KIAA0753: variants seen among roughly 807,000 people sequenced by gnomAD.
The protein encoded by KIAA0753 is KIAA0753, also known as protein moonraker.
A neutral mutation model predicts 116.9 loss-of-function variants in KIAA0753; 114 were observed. The observed-to-expected ratio is 0.98, with a 90% CI of 0.84 to 1.14. The LOEUF (loss-of-function observed/expected upper bound fraction) is 1.14. Ranked by LOEUF, KIAA0753 falls within the 50% of genes most tolerant of loss-of-function variation. The pLI, the probability that KIAA0753 is intolerant of heterozygous loss-of-function variation, is 0.00. For missense variants in KIAA0753, 1,156 were observed against 1,172.4 expected (o/e 0.99, Z 0.20); for synonymous variants, 405 against 413.1 (o/e 0.98, Z 0.24).
At chr17:6,591,047 GAAGAAGAAGAAGAA>G (rs1333859375) in intron 16 of KIAA0753, among the ~76,000 whole-genome samples, 1,372 of 99,108 alleles carry the variant, frequency 0.014, 17 homozygotes, top group Non-Finnish European at 0.019. Context: ...GAAGGAAGAA[GAAGAAGAAGAAGAA>G]GAAGAAGAAG....
intron 9 of KIAA0753, 121 bp from the exon 10 acceptor site, chr17:6,608,585 G>A (rs991414873): frequency 1.3e-5 from 6 of 478,614 alleles, no homozygotes; most frequent in Non-Finnish European, 2.2e-5. Context: ...GTAGCACGGG[G>A]CCCTACAGTA....
intron 16 of KIAA0753, among the ~76,000 whole-genome samples, chr17:6,591,380 A>G (rs1195363910): frequency 6.6e-6 from 1 of 152,248 alleles, no homozygotes; most frequent in Non-Finnish European, 1.5e-5. Flanking sequence ...GAAGTACGAT[A>G]TAAGTCAGCT....
At chr17:6,606,839 C>T (rs777779100) in intron 12 of KIAA0753, 34 bp downstream of exon 12, 6 of 1,561,254 alleles carry the variant, frequency 3.8e-6, no homozygotes, top group Non-Finnish European at 5.3e-6. Flanking sequence ...AACAGGCAAA[C>T]ATCCACTATT....
chr17:6,635,229 T>A, intron 1 of KIAA0753, 58 bp from the exon 2 acceptor site: 1 of 678,866 alleles, frequency 1.5e-6, no homozygotes, highest in Non-Finnish European at 2.7e-6. Context: ...AAAGAACAGA[T>A]AAAACACAGT....
chr17:6,624,248 A>C (rs1379155275), intron 4 of KIAA0753, among the ~76,000 whole-genome samples: 1 of 152,206 alleles, frequency 6.6e-6, no homozygotes, highest in Non-Finnish European at 1.5e-5. Flanking sequence ...CCTCAAAGAC[A>C]CTTAACATGG....
intron 2 of KIAA0753, 123 bp from the exon 3 acceptor site, chr17:6,628,864 CT>C (rs1971851478): frequency 2.2e-6 from 2 of 900,924 alleles, no homozygotes; most frequent in Non-Finnish European, 3.3e-6. Context: ...AGGCATTTTT[CT>C]GTTTTACTGA....
chr17:6,623,617 A>C, intron 4 of KIAA0753, 46 bp from the exon 5 acceptor site: 1 of 1,580,316 alleles, frequency 6.3e-7, no homozygotes, highest in African/African-American at 1.4e-5. Context: ...CTTTCCATTG[A>C]TCTTTTTTGT....
intron 14 of KIAA0753, among the ~76,000 whole-genome samples, chr17:6,598,067 C>T (rs1445178944): frequency 6.6e-6 from 1 of 152,122 alleles, no homozygotes; most frequent in Non-Finnish European, 1.5e-5. Context: ...TCATGTAATG[C>T]CTACAAAATA....
intron 18 of KIAA0753, among the ~76,000 whole-genome samples, chr17:6,580,588 T>C (rs905635679): frequency 6.6e-6 from 1 of 152,054 alleles, no homozygotes; most frequent in African/African-American, 2.4e-5. Flanking sequence ...AGTGCTGGGA[T>C]TACAGGCATG....
chr17:6,587,930 G>T (rs1968703423), intron 18 of KIAA0753, among the ~76,000 whole-genome samples: 1 of 152,164 alleles, frequency 6.6e-6, no homozygotes, highest in African/African-American at 2.4e-5. Context: ...CAGCATAGAG[G>T]GAGCTGAAAC....
In KIAA0753 at chr17:6,579,811, T is replaced by C. The variant is rs746702772; in HGVS notation, c.2840A>G (p.Gln947Arg). Reference protein sequence around the residue: ...EALGAVAAELQDMCEDYAEAV... With the variant: ...EALGAVAAELRDMCEDYAEAV... Reference sequence around the variant, plus strand: ...TTCTGCATAATCTTCGCACATATCCTGAAGTTCAGCAGCCACAGCACCCAG... The same window carrying C: ...TTCTGCATAATCTTCGCACATATCCCGAAGTTCAGCAGCCACAGCACCCAG... Residue 947 changes from glutamine to arginine, a missense_variant, in exon 19 of 19, where the codon CAG becomes CGG. Physicochemically the swap from Gln to Arg is conservative, Grantham distance 43. Transcript: ENST00000361413. 35 of 1,613,844 alleles carry C rather than the reference T, an allele frequency of 2.2e-5. No individual in the cohort carries two copies. The highest frequency in any genetic ancestry group is 2.7e-5 in the African/African-American group (2 of 74,916).
At chr17:6,611,226 A>G (rs962583809) in intron 8 of KIAA0753, among the ~76,000 whole-genome samples, 1 of 152,224 alleles carries the variant, frequency 6.6e-6, no homozygotes, top group Non-Finnish European at 1.5e-5. Context: ...AAGCCATATT[A>G]GAAAGCACTC....
intron 14 of KIAA0753, among the ~76,000 whole-genome samples, chr17:6,597,919 T>C (rs1044918009): frequency 2.0e-5 from 3 of 152,266 alleles, no homozygotes; most frequent in Admixed American, 6.5e-5. Flanking sequence ...TTGTTTGTTT[T>C]CATTCAGTTC....
At chr17:6,611,068 AC>A (rs1367246929) in intron 8 of KIAA0753, among the ~76,000 whole-genome samples, 5 of 152,220 alleles carry the variant, frequency 3.3e-5, no homozygotes, top group African/African-American at 1.2e-4. Flanking sequence ...TTTGGGCAAG[AC>A]CACCAAATGT....
At position 6,613,813 on chromosome 17, in the gene KIAA0753, G is replaced by C. The variant is rs555170474; in HGVS notation, c.1316-1665C>G. Reference sequence around the variant, plus strand: ...TAGCAGACTATCAGTATAACACCAGGGCAGAAGAGACTTTCTTAAAGCTCA... The same window carrying C: ...TAGCAGACTATCAGTATAACACCAGCGCAGAAGAGACTTTCTTAAAGCTCA... On this transcript the variant is annotated intron_variant, in intron 7 of 18. Coordinates refer to ENST00000361413, the MANE Select transcript of KIAA0753 (RefSeq NM_014804.3). Among the ~76,000 whole-genome samples the C allele has an allele frequency of 4.6e-5, 7 of 152,100 alleles. No homozygotes were observed. In the South Asian group the frequency reaches 1.5e-3, roughly 32 times the overall value.
intron 14 of KIAA0753, among the ~76,000 whole-genome samples, 165 bp downstream of exon 14, chr17:6,599,072 T>C (rs1002316957): frequency 5.3e-5 from 8 of 152,222 alleles, no homozygotes; most frequent in African/African-American, 1.9e-4. Context: ...GTCATAATAC[T>C]AAATATACAC....
rs1323654993 is a variant in KIAA0753 at position 6,607,283 on chromosome 17, CAA to C, written c.1830-15_1830-14del. 5 of 1,611,706 alleles carry C rather than the reference CAA, an allele frequency of 3.1e-6. No homozygotes were observed. Among genetic ancestry groups the C allele is most frequent in the Admixed American group, 1.7e-5 (1 of 59,986 alleles). On this transcript the variant is annotated splice_polypyrimidine_tract_variant and intron_variant, in intron 10 of 18. Transcript: ENST00000361413. ...AAGCCAAGCGAGCCTAGCAGACAGT[CAA>C]AAGAGTCAAACCAATTCTGCCTCGA...
chr17:6,612,901 A>C (rs150479295), intron 7 of KIAA0753, among the ~76,000 whole-genome samples: 130 of 152,210 alleles, frequency 8.5e-4, no homozygotes, highest in African/African-American at 2.8e-3. Context: ...TACATACATA[A>C]ATAAATAAAT....
At chr17:6,640,408 A>C (rs1310809984) in intron 1 of KIAA0753, 2 of 149,250 alleles carry the variant, frequency 1.3e-5, no homozygotes, top group African/African-American at 2.5e-5. Context: ...GCACTCACAC[A>C]CTCCGCTCCG....
Sources: allele counts gnomAD v4.1 joint callset (sites outside exome capture counted in the v4.1 genomes callset), GRCh38; gene constraint gnomAD v4.1.1; transcripts MANE v1.5; gene names NCBI Gene and HGNC (gene_info 2026-07-23, HGNC 2026-07-21).